Variants in ITPRIPL1 observed in about 807,000 individuals in gnomAD.
ITPRIPL1 encodes the protein ITPRIP like 1.
ITPRIPL1 carries 28 observed loss-of-function variants against 40.0 expected under a neutral mutation model. That is an observed-to-expected ratio of 0.70 (90% CI 0.52 to 0.96). ITPRIPL1 has a LOEUF of 0.96. Ranked by LOEUF, ITPRIPL1 falls within the 40% of genes least tolerant of loss-of-function variation. ITPRIPL1 has a pLI of 0.00. For missense variants in ITPRIPL1, 638 were observed against 698.0 expected (o/e 0.91, Z 0.97); for synonymous variants, 251 against 275.7 (o/e 0.91, Z 0.89).
In ITPRIPL1 at chr2:96,328,063, C is replaced by T. The variant is rs1334725062; in HGVS notation, c.1432C>T (p.Leu478Phe). The change falls in exon 3 of 3, where the codon CTC becomes TTC. Residue 478 changes from leucine (L) to phenylalanine (F), a missense_variant. Coordinates refer to ENST00000439118, the MANE Select transcript of ITPRIPL1 (RefSeq NM_001008949.3). ...GCTCTCTCAGCGGCTCCAGGACATT[C>T]TCTGGTTCTTGGGCCGTGGCCTCCA... The part of the protein sequence containing the change: ...NMLSQRLQDI[L>F]WFLGRGLQQR... 1 of 1,614,202 alleles carries T rather than the reference C, an allele frequency of 6.2e-7. No individual in the cohort carries two copies. Among genetic ancestry groups the T allele is most frequent in the Non-Finnish European group, 8.5e-7 (1 of 1,180,032 alleles).
chr2:96,328,821 T>C (rs1451105280), downstream of ITPRIPL1: 5 of 152,970 alleles, frequency 3.3e-5, no homozygotes, highest in Admixed American at 6.5e-5. Context: ...ATCTAATTTT[T>C]CAAACCTTCA....
At chr2:96,329,149 T>TTATATATATATATATA (rs57173953), downstream of ITPRIPL1, 2 of 85,192 alleles carry the variant, frequency 2.3e-5, no homozygotes, top group Admixed American at 1.6e-4. Flanking sequence ...AAAAAAAAAA[T>TTATATATATATATATA]TATATATATA....
rs1426964257 is a variant in ITPRIPL1, at chr2:96,327,639, G to A, written c.1008G>A (p.Lys336=). 1.2e-6 allele frequency: 2 copies of A among 1,612,310 alleles called. No homozygotes were observed. Among genetic ancestry groups the A allele is most frequent in the South Asian group, 1.1e-5 (1 of 90,812 alleles). ...MGNAWALVAH[K]YDFKLSLPPS... Reference sequence around the variant, plus strand: ...ATGCCTGGGCCCTTGTGGCCCACAAGTATGACTTTAAACTCAGTCTCCCAC... The same window carrying A: ...ATGCCTGGGCCCTTGTGGCCCACAAATATGACTTTAAACTCAGTCTCCCAC... Residue 336 remains lysine (K), a synonymous_variant, in exon 3 of 3, where the codon AAG becomes AAA. Transcript: ENST00000439118.
Position 96,325,807 on chromosome 2 carries a change from G to C in ITPRIPL1, c.-33G>C. Reference sequence around the variant, plus strand: ...AAGTTCCAAAGGGAGGATAGGCCCAGCTGGCTTCAGCGTCCACACGGCATA... The same window carrying C: ...AAGTTCCAAAGGGAGGATAGGCCCACCTGGCTTCAGCGTCCACACGGCATA... On this transcript the variant is annotated 5_prime_UTR_variant, in exon 2 of 3. Coordinates refer to ENST00000439118, the MANE Select transcript of ITPRIPL1 (RefSeq NM_001008949.3). 1 of 1,613,544 alleles carries C rather than the reference G, an allele frequency of 6.2e-7. No individual in the cohort carries two copies. Among genetic ancestry groups the C allele is most frequent in the Non-Finnish European group, 8.5e-7 (1 of 1,179,450 alleles).
downstream of ITPRIPL1, chr2:96,328,895 G>A (rs911579447): frequency 6.6e-6 from 1 of 152,244 alleles, no homozygotes; most frequent in South Asian, 2.1e-4. Flanking sequence ...CAGCACTTTG[G>A]GGGGCCGAGG....
In ITPRIPL1 at chr2:96,328,019, C is replaced by T. The variant is rs2279105; in HGVS notation, c.1388C>T (p.Thr463Met). Residue 463 changes from threonine to methionine, a missense_variant, in exon 3 of 3, where the codon ACG becomes ATG. By Grantham distance (81) the Thr-to-Met change is moderately conservative (BLOSUM62 -1). Transcript: ENST00000439118. ...LMHLLLRLPL[T>M]DWAHNMLSQR... ...CACCTCTTGCTACGGCTGCCCCTCA[C>T]GGACTGGGCCCACAACATGCTCTCT... The T allele has an allele frequency of 0.34, 543,715 of 1,613,908 alleles. 99,457 individuals carry two copies. The highest frequency in any genetic ancestry group is 0.68 in the South Asian group (62,155 of 91,078).
chr2:96,330,247 CAAAAAAAAAAA>C (rs57831992), downstream of ITPRIPL1: 78 of 23,136 alleles, frequency 3.4e-3, 2 homozygotes, highest in Admixed American at 0.02. Context: ...GACCGCGTCT[CAAAAAAAAAAA>C]AAAAAAAAAA....
rs373383337 is a variant in ITPRIPL1 at position 96,327,018 on chromosome 2, G to C, written c.387G>C (p.Gln129His). 1.3e-4 allele frequency: 202 copies of C among 1,614,120 alleles called. No individual in the cohort carries two copies. The highest frequency in any genetic ancestry group is 1.5e-4 in the Non-Finnish European group (174 of 1,180,052). ...CLFLVFELLR[Q>H]NMQHEPAFDS... ...TTCTCGTCTTTGAGCTCCTGCGACA[G>C]AACATGCAGCATGAACCGGCCTTTG... Residue 129 changes from glutamine to histidine, a missense_variant, in exon 3 of 3, where the codon CAG (glutamine) becomes CAC (histidine). By Grantham distance (24) the Gln-to-His change is conservative. Coordinates refer to ENST00000439118, the MANE Select transcript of ITPRIPL1 (RefSeq NM_001008949.3).
At chr2:96,329,720 G>A (rs1033573872), downstream of ITPRIPL1, 2 of 152,126 alleles carry the variant, frequency 1.3e-5, no homozygotes, top group Admixed American at 6.5e-5. Context: ...TATAATTGGT[G>A]TATTTTTCCC....
chr2:96,326,933 A>G lies in ITPRIPL1; in HGVS notation c.302A>G (p.Gln101Arg). Residue 101 changes from glutamine to arginine, a missense_variant, in exon 3 of 3, where the codon CAG becomes CGG. Physicochemically the swap from Gln to Arg is conservative, Grantham distance 43. Coordinates refer to ENST00000439118, the MANE Select transcript of ITPRIPL1 (RefSeq NM_001008949.3). ...DMGWPFQADG[Q>R]EGPLGWMLGN... ...GGGTGGCCGTTCCAGGCCGATGGCC[A>G]GGAAGGGCCTCTGGGCTGGATGCTG... The G allele has an allele frequency of 3.7e-6, 6 of 1,614,258 alleles. No homozygotes were observed. Among genetic ancestry groups the G allele is most frequent in the East Asian group, 2.2e-5 (1 of 44,886 alleles).
At chr2:96,329,204 G>GTTTACATT (rs1573051045), downstream of ITPRIPL1, 2 of 118,310 alleles carry the variant, frequency 1.7e-5, no homozygotes, top group East Asian at 5.5e-4. Flanking sequence ...TCTCCAAGAT[G>GTTTACATT]TTTACATTCC....
chr2:96,326,262 G>T, intron 2 of ITPRIPL1: 1 of 1,440,354 alleles, frequency 6.9e-7, no homozygotes. Context: ...GGGAGCCTCT[G>T]GGATCAGCAG....
Position 96,327,558 on chromosome 2 carries a change from C to T in ITPRIPL1, c.927C>T (p.Thr309=), listed in dbSNP as rs767200984. The change falls in exon 3 of 3, where the codon ACC becomes ACT. Residue 309 remains threonine (T), a synonymous_variant. Transcript: ENST00000439118. ...GCTCCATCAAGGCAGCTCTCTGCAC[C>T]GGCTTCCACCTAGACGTGTGCAAGA... is the stretch of plus-strand genomic sequence containing the variant. ...CSSSIKAALC[T]GFHLDVCKTV... is the part of the protein sequence containing the mutation. 9.9e-6 allele frequency: 16 copies of T among 1,612,698 alleles called. No individual in the cohort carries two copies. The highest frequency in any genetic ancestry group is 3.3e-4 in the Middle Eastern group (2 of 6,068).
In ITPRIPL1 at chr2:96,327,886, C is replaced by A. The variant is rs1222733714; in HGVS notation, c.1255C>A (p.His419Asn). 1 of 1,614,052 alleles carries A rather than the reference C, an allele frequency of 6.2e-7. No individual in the cohort carries two copies. The highest frequency in any genetic ancestry group is 1.7e-5 in the Admixed American group (1 of 60,028). Reference sequence around the variant, plus strand: ...GCGCTTTGCCCCCGAGAACACCTGTCACCTCAAGTGCCTCCAGATCATTTT... The same window carrying A: ...GCGCTTTGCCCCCGAGAACACCTGTAACCTCAAGTGCCTCCAGATCATTTT... The part of the protein sequence containing the change: ...VGRFAPENTC[H>N]LKCLQIILSL... Residue 419 changes from histidine (H) to asparagine (N), a missense_variant, in exon 3 of 3, where the codon CAC becomes AAC. Coordinates refer to ENST00000439118, the MANE Select transcript of ITPRIPL1 (RefSeq NM_001008949.3).
downstream of ITPRIPL1, chr2:96,330,247 CAAAAAAAAAAAAAAAAAAA>C (rs57831992): frequency 2.2e-4 from 5 of 23,126 alleles, no homozygotes; most frequent in African/African-American, 1.0e-3. Context: ...GACCGCGTCT[CAAAAAAAAAAAAAAAAAAA>C]AAAAAAAAAA....
Position 96,327,530 on chromosome 2 carries a change from G to A in ITPRIPL1, c.899G>A (p.Ser300Asn). The A allele has an allele frequency of 1.9e-6, 3 of 1,614,054 alleles. No homozygotes were observed. The highest frequency in any genetic ancestry group is 2.5e-6 in the Non-Finnish European group (3 of 1,179,980). The change falls in exon 3 of 3, where the codon AGT becomes AAT. Residue 300 changes from serine to asparagine, a missense_variant. Transcript: ENST00000439118. The part of the protein sequence containing the change: ...RDPSAVLGKC[S>N]SSIKAALCTG... ...CCCTCGGCAGTCTTGGGGAAGTGTA[G>A]TAGCTCCATCAAGGCAGCTCTCTGC...
downstream of ITPRIPL1, chr2:96,328,555 C>T (rs2064138992): frequency 1.0e-5 from 4 of 397,298 alleles, no homozygotes; most frequent in Admixed American, 4.2e-5. Context: ...TCCAGGGAAA[C>T]GGATGTTATG....
In ITPRIPL1 at chr2:96,327,999, C is replaced by G; in HGVS notation, c.1368C>G (p.Leu456=). ...SYHFKTALMH[L]LLRLPLTDWA... ...ATTTTAAAACAGCTCTCATGCACCT[C>G]TTGCTACGGCTGCCCCTCACGGACT... Residue 456 remains leucine, a synonymous_variant, in exon 3 of 3, where the codon CTC becomes CTG. Transcript: ENST00000439118. The G allele has an allele frequency of 6.2e-7, 1 of 1,614,228 alleles. No homozygotes were observed. The highest frequency in any genetic ancestry group is 2.2e-5 in the East Asian group (1 of 44,892).
chr2:96,329,889 G>C (rs2064148737), downstream of ITPRIPL1: 2 of 152,060 alleles, frequency 1.3e-5, no homozygotes, highest in African/African-American at 4.8e-5. Context: ...CCTCAGCAGG[G>C]ATCAGATGCT....
Sources: gnomAD v4.1 joint callset for allele counts on GRCh38, gnomAD v4.1.1 for gene constraint, MANE v1.5 for transcripts, NCBI Gene and HGNC (gene_info 2026-07-23, HGNC 2026-07-21) for gene names.